The following P3H2 variants were observed in gnomAD, a reference collection of about 807,000 sequenced individuals.
P3H2 encodes the protein prolyl 3-hydroxylase 2.
In P3H2, 80 loss-of-function variants were observed where a neutral mutation model predicts 87.0. The observed-to-expected ratio is 0.92, with a 90% CI of 0.77 to 1.11. P3H2 has a LOEUF of 1.11. P3H2 is among the 50% of genes least tolerant of loss of function. The probability of loss-of-function intolerance (pLI) is 0.00; values close to 1 mark genes in which losing one functional copy is unlikely to be tolerated. For missense variants in P3H2, 1,001 were observed against 923.9 expected (o/e 1.08, Z -1.08); for synonymous variants, 367 against 359.3 (o/e 1.02, Z -0.24).
intron 1 of P3H2, among the ~76,000 whole-genome samples, chr3:190,011,937 G>A (rs1414489910): frequency 6.6e-6 from 1 of 152,112 alleles, no homozygotes; most frequent in Non-Finnish European, 1.5e-5. Context: ...ATGGAGAAAT[G>A]AGACTTAATA....
At position 189,987,553 on chromosome 3, in the gene P3H2, C is replaced by G; in HGVS notation, c.1072G>C (p.Asp358His). The G allele has an allele frequency of 1.2e-6, 2 of 1,613,576 alleles. No homozygotes were observed. The highest frequency in any genetic ancestry group is 1.7e-6 in the Non-Finnish European group (2 of 1,179,798). ...YYESLLDDSI[D>H]PASIEAREDL... ...TCTCTGGCCTCAATGGATGCCGGGT[C>G]AATGCTATCATCCAGCAGACTCTCA... is the stretch of plus-strand genomic sequence containing the variant. The change falls in exon 5 of 15, where the codon GAC (aspartate) becomes CAC (histidine). Residue 358 changes from aspartate to histidine, a missense_variant. Asp to His is a moderately conservative substitution (Grantham distance 81). Transcript: ENST00000319332.
At chr3:190,053,797 G>T (rs1004778506) in intron 1 of P3H2, among the ~76,000 whole-genome samples, 1 of 151,916 alleles carries the variant, frequency 6.6e-6, no homozygotes, top group Admixed American at 6.6e-5. Flanking sequence ...TAATTTTTAT[G>T]GGGCCCAATT....
intron 1 of P3H2, among the ~76,000 whole-genome samples, chr3:190,026,196 T>C (rs1384209044): frequency 2.0e-5 from 3 of 152,196 alleles, no homozygotes; most frequent in Non-Finnish European, 4.4e-5. Context: ...TTAGCCTGTT[T>C]ACTTAAAAGT....
In P3H2 at chr3:190,055,457, A is replaced by G. The variant is rs182826081; in HGVS notation, c.481-60015T>C. Reference sequence around the variant, plus strand: ...ACAAAAAAGATTTAAATTCATTATAACAAGAATCTTTAGATATTAAACAAA... The same window carrying G: ...ACAAAAAAGATTTAAATTCATTATAGCAAGAATCTTTAGATATTAAACAAA... On this transcript the variant is annotated intron_variant, in intron 1 of 14. Transcript: ENST00000319332. 2.7e-3 allele frequency among the ~76,000 whole-genome samples: 414 copies of G among 152,310 alleles called. 3 individuals are homozygous for G. Among genetic ancestry groups the G allele is most frequent in the African/African-American group, 9.5e-3 (396 of 41,580 alleles).
At chr3:189,994,420 G>A in intron 2 of P3H2, 137 bp from the exon 3 acceptor site, 1 of 693,076 alleles carries the variant, frequency 1.4e-6, no homozygotes, top group Non-Finnish European at 2.5e-6. Flanking sequence ...CTGCTGCGGA[G>A]GGATAAAGAA....
chr3:189,980,492 G>T (rs1723497084), intron 8 of P3H2, among the ~76,000 whole-genome samples: 1 of 152,060 alleles, frequency 6.6e-6, no homozygotes, highest in Non-Finnish European at 1.5e-5. Flanking sequence ...GAACCCAGGA[G>T]GCGGACGTTG....
At chr3:190,066,158 T>TATACACACAC (rs1256956930) in intron 1 of P3H2, among the ~76,000 whole-genome samples, 3 of 134,584 alleles carry the variant, frequency 2.2e-5, no homozygotes, top group African/African-American at 9.3e-5. Flanking sequence ...TATATATATA[T>TATACACACAC]ACACACACAC....
intron 1 of P3H2, among the ~76,000 whole-genome samples, chr3:190,057,641 T>C (rs1464163036): frequency 2.0e-5 from 3 of 151,920 alleles, no homozygotes; most frequent in African/African-American, 7.3e-5. Flanking sequence ...CATCACACTT[T>C]ATCTTACAGG....
chr3:190,040,706 A>G (rs1725579044), intron 1 of P3H2, among the ~76,000 whole-genome samples: 2 of 152,072 alleles, frequency 1.3e-5, no homozygotes, highest in South Asian at 4.1e-4. Flanking sequence ...TTGCCTGTGG[A>G]AAGTTATTGG....
chr3:190,030,818 T>C (rs1577283726), intron 1 of P3H2, among the ~76,000 whole-genome samples: 1 of 152,118 alleles, frequency 6.6e-6, no homozygotes, highest in Non-Finnish European at 1.5e-5. Context: ...AAGAACTTAA[T>C]ATAGGAAAAA....
chr3:190,067,685 C>T (rs1238076457), intron 1 of P3H2, among the ~76,000 whole-genome samples: 5 of 152,108 alleles, frequency 3.3e-5, no homozygotes, highest in East Asian at 1.9e-4. Flanking sequence ...ACTTTTGATT[C>T]TTCTTCTCCT....
intron 13 of P3H2, among the ~76,000 whole-genome samples, chr3:189,966,965 C>T (rs1431961004): frequency 6.6e-6 from 1 of 152,174 alleles, no homozygotes; most frequent in Non-Finnish European, 1.5e-5. Context: ...GTAAAGGACT[C>T]AGAAGACGTT....
chr3:190,076,181 GCACA>G (rs137859647), intron 1 of P3H2, among the ~76,000 whole-genome samples: 1 of 148,466 alleles, frequency 6.7e-6, no homozygotes, highest in Non-Finnish European at 1.5e-5. Flanking sequence ...AAACACACAT[GCACA>G]CACACACACA....
upstream of P3H2, chr3:190,122,170 T>C (rs1007663173): frequency 1.0e-4 from 15 of 149,504 alleles, 1 homozygote; most frequent in Admixed American, 5.3e-4. Context: ...ATTCTAAGAG[T>C]TGAACAAAGA....
chr3:190,089,261 C>T (rs1727331857), intron 1 of P3H2, among the ~76,000 whole-genome samples: 1 of 152,132 alleles, frequency 6.6e-6, no homozygotes, highest in Non-Finnish European at 1.5e-5. Flanking sequence ...GGAGATACAC[C>T]TAATGTAAAT....
At chr3:190,008,419 T>C (rs1402427784) in intron 1 of P3H2, among the ~76,000 whole-genome samples, 1 of 152,164 alleles carries the variant, frequency 6.6e-6, no homozygotes, top group Non-Finnish European at 1.5e-5. Flanking sequence ...TGCTAGTAAG[T>C]ATAGAAGATA....
At position 189,984,451 on chromosome 3, in the gene P3H2, C is replaced by T. The variant is rs1316285310; in HGVS notation, c.1229+99G>A. 3.3e-6 allele frequency: 3 copies of T among 918,314 alleles called. No homozygotes were observed. The East Asian group carries it at 7.2e-5, about 22-fold the overall frequency. The allele number at this position is 918,314 out of a possible 1,614,324, so 56.9% of individuals were successfully genotyped here. ...AGAGCTTAGAATTATTTTATTATAT[C>T]TCCTTGCCTATTTCATAGAGCTACA... On this transcript the variant is annotated intron_variant, in intron 7 of 14. Transcript: ENST00000319332.
At chr3:190,075,146 A>G (rs931680379) in intron 1 of P3H2, among the ~76,000 whole-genome samples, 3 of 152,220 alleles carry the variant, frequency 2.0e-5, no homozygotes, top group African/African-American at 7.2e-5. Flanking sequence ...CTAGTAGTGA[A>G]GAAAAGGCTA....
At chr3:189,968,209 AC>A (rs1286657755) in intron 13 of P3H2, among the ~76,000 whole-genome samples, 2 of 152,076 alleles carry the variant, frequency 1.3e-5, no homozygotes, top group East Asian at 1.9e-4. Flanking sequence ...GGTTTGCTGC[AC>A]CCCATCAAAC....
Sources: allele counts gnomAD v4.1 joint callset (sites outside exome capture counted in the v4.1 genomes callset), GRCh38; gene constraint gnomAD v4.1.1; transcripts MANE v1.5; gene names NCBI Gene and HGNC (gene_info 2026-07-23, HGNC 2026-07-21).